DYNC2H1: variants seen among roughly 807,000 people sequenced by gnomAD.
DYNC2H1 encodes the protein dynein cytoplasmic 2 heavy chain 1.
In DYNC2H1, 410 loss-of-function variants were observed where a neutral mutation model predicts 570.0. The ratio of observed to expected loss-of-function variants is 0.72; its 90% confidence interval spans 0.66 to 0.78. The LOEUF (loss-of-function observed/expected upper bound fraction) is 0.78, where lower values mean the gene tolerates loss of function less well. DYNC2H1 is among the 30% of genes least tolerant of loss of function. The pLI is 0.00. For missense variants in DYNC2H1, 4,865 were observed against 5,046.4 expected, an observed-to-expected ratio of 0.96 and a Z score of 1.09; for synonymous variants, 1,688 against 1,677.6, an observed-to-expected ratio of 1.01 and a Z score of -0.15.
At chr11:103,267,120 G>T (rs186512158) in intron 70 of DYNC2H1, among the ~76,000 whole-genome samples, 1 of 152,190 alleles carries the variant, frequency 6.6e-6, no homozygotes, top group East Asian at 1.9e-4. Context: ...GGTTCCAGAG[G>T]CCTGTGGCGA....
Position 103,201,208 on chromosome 11 carries a change from A to G in DYNC2H1, c.8197+1054A>G, listed in dbSNP as rs1008571576. Among the ~76,000 whole-genome samples the G allele has an allele frequency of 2.0e-5, 3 of 152,194 alleles. No homozygotes were observed. Among genetic ancestry groups the G allele is most frequent in the Admixed American group, 2.0e-4 (3 of 15,278 alleles). On this transcript the variant is annotated intron_variant, in intron 50 of 88. Transcript: ENST00000375735. The surrounding 1 kb of genome is among the most constrained non-coding windows in gnomAD (Gnocchi z 4.8). ...TTATATGTACTTTATGCATCTGTAT[A>G]ATAGAAAAATACCACTTGAAAGAGG...
intron 32 of DYNC2H1, among the ~76,000 whole-genome samples, chr11:103,169,377 A>C (rs1861473870): frequency 6.6e-6 from 1 of 152,168 alleles, no homozygotes; most frequent in African/African-American, 2.4e-5. Flanking sequence ...AAGATGAAAA[A>C]ATTTTCAGAC....
intron 17 of DYNC2H1, among the ~76,000 whole-genome samples, chr11:103,142,695 A>G (rs1347934410): frequency 7.2e-5 from 11 of 152,184 alleles, no homozygotes; most frequent in Non-Finnish European, 1.2e-4. Context: ...GTGTCAGTTT[A>G]GAATGTGATA....
At chr11:103,368,735 AT>A (rs999480798) in intron 83 of DYNC2H1, among the ~76,000 whole-genome samples, 2 of 152,132 alleles carry the variant, frequency 1.3e-5, no homozygotes, top group African/African-American at 4.8e-5. Context: ...TCTTTAATTT[AT>A]TTTTATTTTA....
intron 83 of DYNC2H1, among the ~76,000 whole-genome samples, chr11:103,394,644 G>A (rs1378077523): frequency 6.6e-6 from 1 of 151,924 alleles, no homozygotes; most frequent in Non-Finnish European, 1.5e-5. Flanking sequence ...CATTTTATAG[G>A]ATAGCCATCT....
At chr11:103,128,274 A>G (rs1323373338) in intron 12 of DYNC2H1, among the ~76,000 whole-genome samples, 1 of 152,186 alleles carries the variant, frequency 6.6e-6, no homozygotes, top group Non-Finnish European at 1.5e-5. Flanking sequence ...TATATGTTTA[A>G]AGAAGGCCAC....
rs953134301 is a variant in DYNC2H1, at chr11:103,286,510, G to C, written c.11022+124G>C. 17 of 1,161,894 alleles carry C rather than the reference G, an allele frequency of 1.5e-5. No homozygotes were observed. The African/African-American group carries it at 2.6e-4, about 18-fold the overall frequency. The allele number at this position is 1,161,894 out of a possible 1,614,324, so 72.0% of individuals were successfully genotyped here. A position where few individuals can be genotyped will look rare whatever the true frequency, so the allele number is the denominator to read the frequency against. ...TACCTTTAATGGCGTATTTGGGGAA[G>C]GGCTTGATCCTTTTGCCACCTTATT... is the stretch of plus-strand genomic sequence containing the variant. On this transcript the variant is annotated intron_variant, in intron 74 of 88. Coordinates refer to ENST00000375735, the MANE Select transcript of DYNC2H1 (RefSeq NM_001377.3).
chr11:103,419,247 T>C (rs1943396181), intron 84 of DYNC2H1, among the ~76,000 whole-genome samples: 1 of 151,768 alleles, frequency 6.6e-6, no homozygotes, highest in Non-Finnish European at 1.5e-5. Flanking sequence ...TGAGGAAGGG[T>C]CCCCCCTCAA....
intron 6 of DYNC2H1, among the ~76,000 whole-genome samples, chr11:103,119,397 T>C (rs899626630): frequency 1.3e-5 from 2 of 152,142 alleles, no homozygotes; most frequent in African/African-American, 4.8e-5. Context: ...TAGAGTACAG[T>C]GAGGTGATCT....
chr11:103,429,460 TAAAA>T (rs35004115), intron 84 of DYNC2H1, among the ~76,000 whole-genome samples: 1 of 150,574 alleles, frequency 6.6e-6, no homozygotes, highest in Non-Finnish European at 1.5e-5. Flanking sequence ...TCTGTACTGA[TAAAA>T]AAAAAAATTG....
intron 70 of DYNC2H1, among the ~76,000 whole-genome samples, chr11:103,272,403 T>G (rs547081338): frequency 6.6e-5 from 10 of 151,524 alleles, no homozygotes; most frequent in Non-Finnish European, 1.2e-4. Flanking sequence ...AAGGGGAACA[T>G]CACACACCAG....
rs1388444896 is a variant in DYNC2H1 at position 103,472,552 on chromosome 11, T to C, written c.12765+3847T>C. Among the ~76,000 whole-genome samples, 2 of 152,112 alleles carry C rather than the reference T, an allele frequency of 1.3e-5. No individual in the cohort carries two copies. Among genetic ancestry groups the C allele is most frequent in the Admixed American group, 6.5e-5 (1 of 15,274 alleles). On this transcript the variant is annotated intron_variant, in intron 88 of 88. Transcript: ENST00000375735. The surrounding 1 kb of genome is among the most constrained non-coding windows in gnomAD (Gnocchi z 4.1). ...GTTTGGTACAGCAAATTTTCTATTT[T>C]TCTGATGAAAGGACTGAGAATCAGG...
At chr11:103,120,612 G>T in intron 7 of DYNC2H1, 31 bp downstream of exon 7, 1 of 1,597,042 alleles carries the variant, frequency 6.3e-7, no homozygotes, top group Non-Finnish European at 8.5e-7. Flanking sequence ...TGTCTGTACA[G>T]TTTCCTGTTT....
chr11:103,371,478 T>G (rs1591642115), intron 83 of DYNC2H1, among the ~76,000 whole-genome samples: 1 of 152,064 alleles, frequency 6.6e-6, no homozygotes, highest in Non-Finnish European at 1.5e-5. Context: ...GCAGATTTAA[T>G]TGAAAGAAGA....
rs769359399 is a variant in DYNC2H1, at chr11:103,192,252, G to A, written c.7696G>A (p.Asp2566Asn). 26 of 1,553,026 alleles carry A rather than the reference G, an allele frequency of 1.7e-5. No homozygotes were observed. The highest frequency in any genetic ancestry group is 2.7e-5 in the African/African-American group (2 of 74,314). The part of the protein sequence containing the change: ...FQGDWGSDIL[D>N]NMSDSFYVTW... The stretch of plus-strand genomic sequence containing the variant: ...AGGAGATTGGGGCTCAGACATATTA[G>A]ACAATATGTCAGGTAAGGTAATAGA... The change falls in exon 47 of 89, where the codon GAC (aspartate) becomes AAC (asparagine). Residue 2566 changes from aspartate (D) to asparagine (N), a missense_variant. Physicochemically the swap from Asp to Asn is conservative, Grantham distance 23. Coordinates refer to ENST00000375735, the MANE Select transcript of DYNC2H1 (RefSeq NM_001377.3).
At chr11:103,138,881 C>T (rs1035060623) in intron 17 of DYNC2H1, among the ~76,000 whole-genome samples, 3 of 152,034 alleles carry the variant, frequency 2.0e-5, no homozygotes. Context: ...ATTATTGCCA[C>T]AATTTCAGAG....
intron 1 of DYNC2H1, among the ~76,000 whole-genome samples, chr11:103,110,082 G>A (rs933469518): frequency 1.3e-5 from 2 of 152,196 alleles, no homozygotes; most frequent in African/African-American, 2.4e-5. Context: ...TGGATGGAGT[G>A]TAGTGGCGCG....
rs1862227370 is a variant in DYNC2H1, at chr11:103,189,904, C to T, written c.7437+88C>T. The T allele has an allele frequency of 7.4e-7, 1 of 1,345,258 alleles. No individual in the cohort carries two copies. Among genetic ancestry groups the T allele is most frequent in the Non-Finnish European group, 1.0e-6 (1 of 999,630 alleles). The allele number at this position is 1,345,258 out of a possible 1,614,324, so 83.3% of individuals were successfully genotyped here. On this transcript the variant is annotated intron_variant, in intron 45 of 88. Transcript: ENST00000375735. This position sits in a 1 kb window ranked among gnomAD's most constrained non-coding sequence, Gnocchi z 4.3. ...TAATTCTGACCTCTGTGTTGACACC[C>T]AGGCTTTACTTTCCTGTTTATTAGA...
intron 80 of DYNC2H1, among the ~76,000 whole-genome samples, chr11:103,318,220 C>T (rs919685981): frequency 2.0e-4 from 30 of 152,140 alleles, no homozygotes; most frequent in African/African-American, 6.5e-4. Context: ...AATTCCCCCA[C>T]GTAGCCAGCA....
Sources: allele counts gnomAD v4.1 joint callset (sites outside exome capture counted in the v4.1 genomes callset), GRCh38; gene constraint gnomAD v4.1.1; non-coding constraint Gnocchi (gnomAD v3.1); transcripts MANE v1.5; gene names NCBI Gene and HGNC (gene_info 2026-07-23, HGNC 2026-07-21).